RYR1: variants seen among roughly 807,000 people sequenced by gnomAD.
RYR1 encodes the protein central core disease of muscle.
Under a neutral mutation model 583.5 loss-of-function variants are expected in RYR1, and 342 were observed. That is an observed-to-expected ratio of 0.59 (90% CI 0.54 to 0.64). The LOEUF is 0.64. RYR1 is among the 30% of genes least tolerant of loss of function. The pLI, the probability that RYR1 is intolerant of heterozygous loss-of-function variation, is 0.00. For missense variants in RYR1, 6,032 were observed against 6,917.2 expected (o/e 0.87, Z 4.54); for synonymous variants, 2,791 against 2,822.5 (o/e 0.99, Z 0.35).
At chr19:38,489,494 C>CA in intron 35 of RYR1, 51 bp downstream of exon 35, 1 of 1,608,422 alleles carries the variant, frequency 6.2e-7, no homozygotes, top group Non-Finnish European at 8.5e-7. Context: ...GGCTGGGAGA[C>CA]ACAGGGTAGG....
rs1350449435 is a variant in RYR1, at chr19:38,543,973, C to T, written c.12012+98C>T. 8 of 1,197,324 alleles carry T rather than the reference C, an allele frequency of 6.7e-6. 1 individual carries two copies. The Admixed American group carries it at 1.2e-4, about 18-fold the overall frequency. The allele number at this position is 1,197,324 out of a possible 1,614,324, so 74.2% of individuals were successfully genotyped here. A position where few individuals can be genotyped will look rare whatever the true frequency, so the allele number is the denominator to read the frequency against. On this transcript the variant is annotated intron_variant, in intron 87 of 105. Transcript: ENST00000359596. The surrounding 1 kb of genome is among the most constrained non-coding windows in gnomAD (Gnocchi z 4.4). ...CTTTGGTCAGTTTGTCACCCGAGTG[C>T]TCCCGGCATGTTCCAGACTGGTTCC...
chr19:38,559,108 A>G (rs1220396216), intron 89 of RYR1, among the ~76,000 whole-genome samples: 1 of 152,166 alleles, frequency 6.6e-6, no homozygotes, highest in African/African-American at 2.4e-5. Flanking sequence ...AAGTAAGTAA[A>G]TAAATAAATA....
rs749125757 is a variant in RYR1, at chr19:38,552,540, C to A, written c.12282+4120C>A. Reference sequence around the variant, plus strand: ...TGCTGGGATTACAGGCGTGAGCCACCGCGCCTGGCCAGGATTGCTTTTTAT... The same window carrying A: ...TGCTGGGATTACAGGCGTGAGCCACAGCGCCTGGCCAGGATTGCTTTTTAT... On this transcript the variant is annotated intron_variant, in intron 89 of 105. Transcript: ENST00000359596. Among the ~76,000 whole-genome samples, 5 of 152,210 alleles carry A rather than the reference C, an allele frequency of 3.3e-5. No individual in the cohort carries two copies. The South Asian group carries it at 8.3e-4, about 25-fold the overall frequency.
chr19:38,442,479 G>A (rs1033364404), intron 3 of RYR1, 26 bp downstream of exon 3: 14 of 1,571,418 alleles, frequency 8.9e-6, no homozygotes, highest in African/African-American at 6.7e-5. Context: ...GGGGGTGGGC[G>A]GGGTGGCAGA....
chr19:38,450,708 T>C (rs997154045), intron 11 of RYR1, among the ~76,000 whole-genome samples: 2 of 152,078 alleles, frequency 1.3e-5, no homozygotes, highest in Admixed American at 6.6e-5. Flanking sequence ...AAGCTTTTAT[T>C]GTACAAGCGG....
intron 3 of RYR1, 25 bp from the exon 4 acceptor site, chr19:38,443,533 T>C (rs757545925): frequency 4.0e-5 from 65 of 1,608,186 alleles, no homozygotes; most frequent in Admixed American, 1.0e-4. Context: ...TCTGTGCTTA[T>C]TCTGTTCCCT....
chr19:38,438,246 T>A (rs912963513), intron 1 of RYR1, among the ~76,000 whole-genome samples: 6 of 151,772 alleles, frequency 4.0e-5, no homozygotes, highest in African/African-American at 1.5e-4. Context: ...ACTGATCTCA[T>A]CCCCATCCTA....
intron 60 of RYR1, among the ~76,000 whole-genome samples, chr19:38,511,015 G>C (rs1970702452): frequency 6.6e-6 from 1 of 152,198 alleles, no homozygotes; most frequent in South Asian, 2.1e-4. Context: ...CCAACTCAAG[G>C]CCGGGCGTGG....
rs1972331536 is a variant in RYR1 at position 38,544,263 on chromosome 19, CTTCT to C, written c.12012+391_12012+394del. On this transcript the variant is annotated intron_variant, in intron 87 of 105. Transcript: ENST00000359596. The stretch of plus-strand genomic sequence containing the variant: ...AGCCTGGGGCTGAGGAAATGTTTTG[CTTCT>C]TTATCTTACTTGCGGCAGATGACAC... Among the ~76,000 whole-genome samples the C allele has an allele frequency of 2.6e-5, 4 of 152,190 alleles. No individual in the cohort carries two copies. In the South Asian group the frequency reaches 8.3e-4, roughly 31 times the overall value.
chr19:38,537,356 A>G (rs897829823), intron 83 of RYR1, among the ~76,000 whole-genome samples: 5 of 151,918 alleles, frequency 3.3e-5, no homozygotes, highest in African/African-American at 1.2e-4. Flanking sequence ...CCTTGTTTAC[A>G]CGCCTCCCCT....
intron 13 of RYR1, among the ~76,000 whole-genome samples, chr19:38,454,788 T>TAAA (rs72192667): frequency 1.4e-5 from 2 of 146,164 alleles, no homozygotes; most frequent in Non-Finnish European, 1.5e-5. Flanking sequence ...TATTAAAATG[T>TAAA]AAAAAAAAAA....
rs1248688892 is a variant in RYR1, at chr19:38,573,263, C to T, written c.14085C>T (p.Asp4695=). ...TGTACATCACGGAGCAGCCTGAGGACGATGACGTGAAGGGGCAGTGGGACC... is the reference window on the plus strand; with the variant it reads ...TGTACATCACGGAGCAGCCTGAGGATGATGACGTGAAGGGGCAGTGGGACC... ...DGLYITEQPE[D]DDVKGQWDRL... is the part of the protein sequence containing the mutation. The change falls in exon 96 of 106, where the codon GAC becomes GAT. Residue 4695 remains aspartate, a synonymous_variant. Transcript: ENST00000359596. 26 of 1,613,814 alleles carry T rather than the reference C, an allele frequency of 1.6e-5. No homozygotes were observed. Among genetic ancestry groups the T allele is most frequent in the Non-Finnish European group, 2.1e-5 (25 of 1,179,958 alleles).
chr19:38,476,520 A>G (rs1285668992), intron 29 of RYR1, among the ~76,000 whole-genome samples: 1 of 152,040 alleles, frequency 6.6e-6, no homozygotes, highest in Non-Finnish European at 1.5e-5. Flanking sequence ...TTTGGTAGAA[A>G]CGGGGTTTCA....
At chr19:38,474,291 G>A (rs1277594849) in intron 28 of RYR1, among the ~76,000 whole-genome samples, 2 of 151,114 alleles carry the variant, frequency 1.3e-5, no homozygotes, top group Non-Finnish European at 2.9e-5. Context: ...TTTTTGAGGA[G>A]GAATCTCTGT....
In RYR1 at chr19:38,483,197, G is replaced by A. The variant is rs1969099860; in HGVS notation, c.4707+84G>A. 9.4e-6 allele frequency: 15 copies of A among 1,593,242 alleles called. No individual in the cohort carries two copies. Among genetic ancestry groups the A allele is most frequent in the Non-Finnish European group, 1.3e-5 (15 of 1,162,982 alleles). The stretch of plus-strand genomic sequence containing the variant: ...GGCCAGGCGGGCAGAGCCACTGAAG[G>A]GGAGGGGGCAATCCAAGAGGTCTCC... On this transcript the variant is annotated intron_variant, in intron 32 of 105. Coordinates refer to ENST00000359596, the MANE Select transcript of RYR1 (RefSeq NM_000540.3). The surrounding 1 kb of genome is among the most constrained non-coding windows in gnomAD (Gnocchi z 6.3).
In RYR1 at chr19:38,443,579, A is replaced by C. The variant is rs747996618; in HGVS notation, c.292A>C (p.Arg98=). The C allele has an allele frequency of 6.2e-7, 1 of 1,614,072 alleles. No individual in the cohort carries two copies. Among genetic ancestry groups the C allele is most frequent in the Non-Finnish European group, 8.5e-7 (1 of 1,179,978 alleles). The change falls in exon 4 of 106, where the codon AGG becomes CGG. Residue 98 remains arginine, a synonymous_variant. Coordinates refer to ENST00000359596, the MANE Select transcript of RYR1 (RefSeq NM_000540.3). The part of the protein sequence containing the change: ...GVESSQGGGH[R]TLLYGHAILL... ...GCAGTCATCCCAGGGCGGGGGACAC[A>C]GGACGCTCCTGTATGGCCATGCCAT...
At chr19:38,437,303 G>T (rs1972472011) in intron 1 of RYR1, among the ~76,000 whole-genome samples, 1 of 152,000 alleles carries the variant, frequency 6.6e-6, no homozygotes, top group Non-Finnish European at 1.5e-5. Context: ...CGCCCACCTT[G>T]GCCTCCCAAA....
intron 29 of RYR1, among the ~76,000 whole-genome samples, chr19:38,476,791 G>A (rs1470371223): frequency 6.6e-6 from 1 of 152,190 alleles, no homozygotes; most frequent in Non-Finnish European, 1.5e-5. Flanking sequence ...CTCTCCTATG[G>A]AGGTGCTATG....
chr19:38,435,097 G>A (rs1568427035), intron 1 of RYR1, among the ~76,000 whole-genome samples: 2 of 152,152 alleles, frequency 1.3e-5, no homozygotes, highest in South Asian at 2.1e-4. Context: ...TTGAGCTGTC[G>A]CTCTAAACCA....
Sources: allele counts gnomAD v4.1 joint callset (sites outside exome capture counted in the v4.1 genomes callset), GRCh38; gene constraint gnomAD v4.1.1; non-coding constraint Gnocchi (gnomAD v3.1); transcripts MANE v1.5; gene names NCBI Gene and HGNC (gene_info 2026-07-23, HGNC 2026-07-21).